GPHN: variants seen among roughly 807,000 people sequenced by gnomAD.
The protein encoded by GPHN is gephyrin.
In GPHN, 17 loss-of-function variants were observed where a neutral mutation model predicts 95.5. The ratio of observed to expected loss-of-function variants is 0.18; its 90% CI spans 0.12 to 0.27. The LOEUF (loss-of-function observed/expected upper bound fraction) is 0.27, where lower values mean the gene tolerates loss of function less well. GPHN is among the 10% of genes least tolerant of loss of function. The probability of loss-of-function intolerance (pLI) is 1.00; values close to 1 mark genes in which losing one functional copy is unlikely to be tolerated. For synonymous variants in GPHN, 320 were observed against 322.5 expected, an observed-to-expected ratio of 0.99 and a Z score of 0.08; for missense variants, 660 against 978.1, an observed-to-expected ratio of 0.67 and a Z score of 4.34.
intron 1 of GPHN, among the ~76,000 whole-genome samples, chr14:66,548,761 G>C (rs1018655876): frequency 3.3e-5 from 5 of 152,318 alleles, no homozygotes; most frequent in African/African-American, 1.2e-4. Flanking sequence ...GTTAAGCTTA[G>C]TGAGGAAGGA....
the GPHN span, chr14:67,335,102 T>C: frequency 6.7e-6 from 1 of 150,118 alleles, no homozygotes; most frequent in Non-Finnish European, 1.5e-5. Context: ...TGCCATGCCA[T>C]ACTTTTAGGA....
At chr14:67,251,785 T>C in the GPHN span, among the ~76,000 whole-genome samples, 8 of 152,210 alleles carry the variant, frequency 5.3e-5, no homozygotes, top group Admixed American at 2.0e-4. Context: ...AGAGCATCTT[T>C]TGTTTCAGTG....
chr14:66,528,950 C>G (rs1235659292), intron 1 of GPHN, among the ~76,000 whole-genome samples: 1 of 152,096 alleles, frequency 6.6e-6, no homozygotes, highest in South Asian at 2.1e-4. Flanking sequence ...CTTGGGGTTG[C>G]TCTTCTCAAG....
intron 9 of GPHN, among the ~76,000 whole-genome samples, chr14:66,985,322 C>G (rs986302116): frequency 6.6e-6 from 1 of 152,124 alleles, no homozygotes; most frequent in Non-Finnish European, 1.5e-5. Context: ...GGAATAGACA[C>G]TAAAACACTA....
intron 21 of GPHN, among the ~76,000 whole-genome samples, chr14:67,176,350 G>A (rs371415538): frequency 8.5e-5 from 13 of 152,098 alleles, no homozygotes; most frequent in African/African-American, 1.4e-4. Flanking sequence ...GGTTTTTGTC[G>A]TTGGTTCTGT....
At chr14:66,616,385 G>T (rs1377895507) in intron 1 of GPHN, among the ~76,000 whole-genome samples, 1 of 149,418 alleles carries the variant, frequency 6.7e-6, no homozygotes, top group Non-Finnish European at 1.5e-5. Context: ...CTGACCCATG[G>T]ATGGGTCAGC....
chr14:66,863,420 A>G (rs1252164094), intron 4 of GPHN, among the ~76,000 whole-genome samples: 1 of 152,156 alleles, frequency 6.6e-6, no homozygotes, highest in African/African-American at 2.4e-5. Flanking sequence ...ATTCAATGCA[A>G]TCCCTATCAA....
chr14:67,206,861 G>T, the GPHN span, among the ~76,000 whole-genome samples: 8 of 151,984 alleles, frequency 5.3e-5, no homozygotes, highest in Non-Finnish European at 1.2e-4. Context: ...TTTCCAAGTA[G>T]CTGGGATTAC....
At chr14:67,722,681 G>T in the GPHN span, 3 of 1,613,822 alleles carry the variant, frequency 1.9e-6, no homozygotes, top group African/African-American at 4.0e-5. Flanking sequence ...CCTTCTTCTC[G>T]TTCCTGTATA....
chr14:66,876,924 C>T (rs1225708316), intron 4 of GPHN, among the ~76,000 whole-genome samples: 2 of 152,124 alleles, frequency 1.3e-5, no homozygotes, highest in Non-Finnish European at 2.9e-5. Flanking sequence ...ATACCGAAAC[C>T]TGAGAGAGAC....
intron 5 of GPHN, among the ~76,000 whole-genome samples, chr14:66,908,829 C>A (rs2065521045): frequency 6.7e-6 from 1 of 149,918 alleles, no homozygotes. Flanking sequence ...AGACAGACAC[C>A]AGAAGTGGGC....
chr14:67,615,873 G>T, the GPHN span: 2 of 612,926 alleles, frequency 3.3e-6, no homozygotes, highest in Non-Finnish European at 6.1e-6. Flanking sequence ...AAACTGGGAG[G>T]GATGTGGAAT....
intron 11 of GPHN, among the ~76,000 whole-genome samples, chr14:67,066,798 T>C (rs2153654527): frequency 6.6e-6 from 1 of 152,346 alleles, no homozygotes; most frequent in Admixed American, 6.5e-5. Flanking sequence ...TAAGGTCTTC[T>C]CTACACTGTT....
chr14:67,118,644 C>T (rs1273510635), intron 16 of GPHN, among the ~76,000 whole-genome samples: 2 of 151,838 alleles, frequency 1.3e-5, no homozygotes, highest in Non-Finnish European at 2.9e-5. Flanking sequence ...AGGAGAATGG[C>T]GTGAACCCGG....
chr14:67,392,608 G>C, the GPHN span: 32 of 1,514,212 alleles, frequency 2.1e-5, no homozygotes, highest in Non-Finnish European at 2.9e-5. Flanking sequence ...CCATTCTGTT[G>C]TGTCTTCCTT....
chr14:67,430,259 G>A, the GPHN span, among the ~76,000 whole-genome samples: 1 of 152,302 alleles, frequency 6.6e-6, no homozygotes, highest in African/African-American at 2.4e-5. Flanking sequence ...GTATACTCAG[G>A]TTCATCTATA....
chr14:66,750,116 C>T (rs1333958019), intron 2 of GPHN, among the ~76,000 whole-genome samples: 1 of 151,880 alleles, frequency 6.6e-6, no homozygotes, highest in African/African-American at 2.4e-5. Context: ...CTGTTTCTTT[C>T]TTCCAAGGAT....
At chr14:66,526,407 T>C (rs577822967) in intron 1 of GPHN, among the ~76,000 whole-genome samples, 10 of 152,336 alleles carry the variant, frequency 6.6e-5, no homozygotes, top group African/African-American at 2.2e-4. Context: ...TTTCTAAATA[T>C]ACAATCATGT....
chr14:66,567,037 C>T (rs1032161299), intron 1 of GPHN, among the ~76,000 whole-genome samples: 1 of 152,094 alleles, frequency 6.6e-6, no homozygotes, highest in African/African-American at 2.4e-5. Context: ...GTAGGCAGGG[C>T]GTATCAGGAA....
Sources: allele counts gnomAD v4.1 joint callset (sites outside exome capture counted in the v4.1 genomes callset), GRCh38; gene constraint gnomAD v4.1.1; transcripts MANE v1.5; gene names NCBI Gene and HGNC (gene_info 2026-07-23, HGNC 2026-07-21).